Variants in ITFG1 observed in about 807,000 individuals in gnomAD.
ITFG1 encodes integrin alpha FG-GAP repeat containing 1, also known as T-cell immunomodulatory protein.
In ITFG1, 34 loss-of-function variants were observed where a neutral mutation model predicts 81.8. That is an observed-to-expected ratio of 0.42 (90% CI 0.32 to 0.55). The LOEUF (loss-of-function observed/expected upper bound fraction) is 0.55, where lower values mean the gene tolerates loss of function less well. Among genes scored for constraint, ITFG1 ranks in the 20% least tolerant of loss-of-function variants. The pLI is 0.17. For synonymous variants in ITFG1, 285 were observed against 270.6 expected (o/e 1.05, Z -0.52); for missense variants, 672 against 755.4 (o/e 0.89, Z 1.29).
chr16:47,275,882 G>A (rs897703066), intron 10 of ITFG1, among the ~76,000 whole-genome samples: 1 of 152,076 alleles, frequency 6.6e-6, no homozygotes. Flanking sequence ...TCTGTGATTA[G>A]AAGAATAAAT....
At chr16:47,421,493 C>CA (rs1968948883) in intron 6 of ITFG1, among the ~76,000 whole-genome samples, 1 of 151,954 alleles carries the variant, frequency 6.6e-6, no homozygotes, top group Admixed American at 6.6e-5. Context: ...TTAGTAGAGA[C>CA]AGAGTTTCAG....
chr16:47,348,266 C>A (rs1377093540), intron 8 of ITFG1, among the ~76,000 whole-genome samples: 2 of 152,108 alleles, frequency 1.3e-5, no homozygotes, highest in Admixed American at 6.6e-5. Flanking sequence ...CTTCTCCGAG[C>A]TAAAGGAGGA....
At chr16:47,223,696 C>T (rs1175394138) in intron 13 of ITFG1, among the ~76,000 whole-genome samples, 1 of 152,110 alleles carries the variant, frequency 6.6e-6, no homozygotes, top group Admixed American at 6.5e-5. Flanking sequence ...ACCATTTGAC[C>T]CAGCCGTCCC....
intron 8 of ITFG1, among the ~76,000 whole-genome samples, chr16:47,362,968 T>C (rs2151585883): frequency 6.6e-6 from 1 of 152,228 alleles, no homozygotes; most frequent in South Asian, 2.1e-4. Flanking sequence ...ACGATCACTG[T>C]TCACTGCAAC....
chr16:47,378,789 T>C (rs1567479828), intron 6 of ITFG1, among the ~76,000 whole-genome samples: 1 of 151,558 alleles, frequency 6.6e-6, no homozygotes, highest in Admixed American at 6.6e-5. Flanking sequence ...TAATTAAATA[T>C]AAAGAATCAT....
intron 14 of ITFG1, among the ~76,000 whole-genome samples, chr16:47,176,746 T>G (rs770861300): frequency 2.0e-5 from 3 of 152,214 alleles, no homozygotes; most frequent in African/African-American, 7.2e-5. Flanking sequence ...CAGGATGGGA[T>G]GGAGAAAGAG....
rs1966234141 is a variant in ITFG1 at position 47,263,347 on chromosome 16, T to C, written c.1071-2652A>G. On this transcript the variant is annotated intron_variant, in intron 10 of 17. Coordinates refer to ENST00000320640, the MANE Select transcript of ITFG1 (RefSeq NM_030790.5). Reference sequence around the variant, plus strand: ...TGGAGCAGGCCTATGATCTGGCCCATGAGGTAAGCTACCAAGCCATCTACC... The same window carrying C: ...TGGAGCAGGCCTATGATCTGGCCCACGAGGTAAGCTACCAAGCCATCTACC... 40 of 478,972 alleles carry C rather than the reference T, an allele frequency of 8.4e-5. 1 individual carries two copies. Among genetic ancestry groups the C allele is most frequent in the South Asian group, 6.3e-4 (39 of 61,520 alleles). 29.7% of individuals were successfully genotyped at this position (478,972 alleles called of 1,614,324 possible).
At chr16:47,303,270 C>CAA (rs556263483) in intron 10 of ITFG1, among the ~76,000 whole-genome samples, 1 of 145,236 alleles carries the variant, frequency 6.9e-6, no homozygotes, top group Non-Finnish European at 1.5e-5. Flanking sequence ...GACTCCATCT[C>CAA]AAAAAAAAAA....
intron 10 of ITFG1, among the ~76,000 whole-genome samples, chr16:47,276,077 A>C (rs535250047): frequency 6.6e-6 from 1 of 152,272 alleles, no homozygotes; most frequent in African/African-American, 2.4e-5. Context: ...AGACTAAAAA[A>C]GAAAGAAGAG....
intron 9 of ITFG1, 43 bp from the exon 10 acceptor site, chr16:47,311,455 T>A: frequency 7.0e-7 from 1 of 1,427,662 alleles, no homozygotes; most frequent in Non-Finnish European, 9.4e-7. Flanking sequence ...AGTTATTTTA[T>A]AAAAAAATTT....
chr16:47,272,709 A>C (rs1567442470), intron 10 of ITFG1, among the ~76,000 whole-genome samples: 1 of 152,016 alleles, frequency 6.6e-6, no homozygotes, highest in Non-Finnish European at 1.5e-5. Flanking sequence ...ATACACTTTT[A>C]AAAGCCACTA....
chr16:47,163,956 C>T (rs966311237), intron 14 of ITFG1, among the ~76,000 whole-genome samples: 3 of 149,606 alleles, frequency 2.0e-5, no homozygotes, highest in African/African-American at 7.4e-5. Context: ...CACACACATA[C>T]ACACACACAC....
At chr16:47,326,840 G>A (rs1433118589) in intron 8 of ITFG1, among the ~76,000 whole-genome samples, 2 of 152,126 alleles carry the variant, frequency 1.3e-5, no homozygotes, top group Admixed American at 6.5e-5. Context: ...CAAACAAATG[G>A]AAGAACATTC....
intron 1 of ITFG1, 147 bp downstream of exon 1, chr16:47,460,691 G>T: frequency 1.2e-6 from 1 of 848,430 alleles, no homozygotes; most frequent in Non-Finnish European, 1.9e-6. Context: ...AAAAGGACAA[G>T]CTGTTAAGAA....
intron 8 of ITFG1, among the ~76,000 whole-genome samples, chr16:47,320,739 T>G (rs1967436184): frequency 6.6e-6 from 1 of 152,174 alleles, no homozygotes; most frequent in Non-Finnish European, 1.5e-5. Context: ...TCTAGCCCTA[T>G]CACTGTGGTA....
chr16:47,422,645 A>G (rs1968966091), intron 6 of ITFG1, among the ~76,000 whole-genome samples: 1 of 152,146 alleles, frequency 6.6e-6, no homozygotes, highest in African/African-American at 2.4e-5. Flanking sequence ...TTGGTAGGCT[A>G]TTAATTATTG....
At chr16:47,367,280 T>C (rs1968189397) in intron 7 of ITFG1, among the ~76,000 whole-genome samples, 1 of 152,180 alleles carries the variant, frequency 6.6e-6, no homozygotes, top group Non-Finnish European at 1.5e-5. Context: ...ACCTAGTTCT[T>C]TTAGGTTTTT....
intron 14 of ITFG1, among the ~76,000 whole-genome samples, chr16:47,181,031 C>G (rs558551237): frequency 2.7e-5 from 4 of 148,904 alleles, no homozygotes; most frequent in Admixed American, 1.3e-4. Flanking sequence ...TCTGCCCGGC[C>G]GCCATACCAT....
At chr16:47,364,874 T>A (rs1968154672) in intron 8 of ITFG1, among the ~76,000 whole-genome samples, 1 of 152,162 alleles carries the variant, frequency 6.6e-6, no homozygotes. Flanking sequence ...AAACTACAAT[T>A]TGAGATGAGG....
Sources: gnomAD v4.1 joint callset for allele counts (sites outside exome capture counted in the v4.1 genomes callset) on GRCh38, gnomAD v4.1.1 for gene constraint, MANE v1.5 for transcripts, NCBI Gene and HGNC (gene_info 2026-07-23, HGNC 2026-07-21) for gene names.